The following FREM2 variants were observed in gnomAD, a reference collection of about 807,000 sequenced individuals.
The protein encoded by FREM2 is FRAS1 related extracellular matrix 2, also known as FRAS1-related extracellular matrix protein 2.
A neutral mutation model predicts 219.9 loss-of-function variants in FREM2; 119 were observed. The observed-to-expected ratio is 0.54, with a 90% CI of 0.47 to 0.63. The LOEUF is 0.63. Ranked by LOEUF, FREM2 falls within the 30% of genes least tolerant of loss-of-function variation. The pLI is 0.00. For synonymous variants in FREM2, 1,562 were observed against 1,522.8 expected (o/e 1.03, Z -0.60); for missense variants, 4,030 against 3,993.6 (o/e 1.01, Z -0.25).
chr13:38,717,776 C>T (rs946131331), intron 2 of FREM2, among the ~76,000 whole-genome samples: 3 of 152,110 alleles, frequency 2.0e-5, no homozygotes, highest in Non-Finnish European at 2.9e-5. Context: ...GTTATTAATT[C>T]TAAGTTCCCA....
At chr13:38,740,131 AATC>A in intron 2 of FREM2, among the ~76,000 whole-genome samples, 1 of 152,324 alleles carries the variant, frequency 6.6e-6, no homozygotes, top group South Asian at 2.1e-4. Flanking sequence ...TTGAGTTATG[AATC>A]ATCATAATCT....
At chr13:38,720,690 C>G (rs943395491) in intron 2 of FREM2, among the ~76,000 whole-genome samples, 1 of 103,984 alleles carries the variant, frequency 9.6e-6, no homozygotes, top group African/African-American at 2.6e-5. Context: ...ATTGAAGATG[C>G]TGAGAAGGGT....
Position 38,689,903 on chromosome 13 carries a change from C to A in FREM2, c.2559C>A (p.His853Gln). Residue 853 changes from histidine to glutamine, a missense_variant, in exon 1 of 24, where the codon CAC becomes CAA. Coordinates refer to ENST00000280481, the MANE Select transcript of FREM2 (RefSeq NM_207361.6). ...GHHILSETELHVNDVDTDVAH... is the reference protein window; with the variant it reads ...GHHILSETELQVNDVDTDVAH... ...ACATCCTGAGTGAGACAGAGTTGCA[C>A]GTGAATGATGTAGACACTGATGTTG... 6.2e-7 allele frequency: 1 copy of A among 1,614,110 alleles called. No individual in the cohort carries two copies. The highest frequency in any genetic ancestry group is 8.5e-7 in the Non-Finnish European group (1 of 1,180,018).
chr13:38,732,997 T>C (rs564781999), intron 2 of FREM2, among the ~76,000 whole-genome samples: 3 of 152,302 alleles, frequency 2.0e-5, no homozygotes, highest in African/African-American at 7.2e-5. Flanking sequence ...ATCTTTGACA[T>C]GGATAATGTG....
At chr13:38,745,872 A>T (rs1046966843) in intron 2 of FREM2, among the ~76,000 whole-genome samples, 2 of 151,976 alleles carry the variant, frequency 1.3e-5, no homozygotes, top group Admixed American at 6.6e-5. Context: ...TGACTTTCTC[A>T]TCTCTCCTTC....
chr13:38,718,020 A>G lies in FREM2; in HGVS notation c.5263+20233A>G, dbSNP rs558820901. On this transcript the variant is annotated intron_variant, in intron 2 of 23. Transcript: ENST00000280481. Reference sequence around the variant, plus strand: ...AAACTAAAAATAACCAACCAGAAAGAATCACAATTAGCAATTAGCAATTAA... The same window carrying G: ...AAACTAAAAATAACCAACCAGAAAGGATCACAATTAGCAATTAGCAATTAA... Among the ~76,000 whole-genome samples the G allele has an allele frequency of 2.4e-4, 36 of 152,356 alleles. 1 individual carries two copies. The highest frequency in any genetic ancestry group is 4.4e-5 in the Non-Finnish European group (3 of 68,040).
chr13:38,864,837 A>T (rs1490651321), intron 16 of FREM2, among the ~76,000 whole-genome samples: 1 of 152,154 alleles, frequency 6.6e-6, no homozygotes, highest in African/African-American at 2.4e-5. Flanking sequence ...CATTATATCT[A>T]TGTGAAAAGG....
chr13:38,773,590 T>G (rs1467443011), intron 4 of FREM2, among the ~76,000 whole-genome samples: 1 of 152,118 alleles, frequency 6.6e-6, no homozygotes, highest in Non-Finnish European at 1.5e-5. Context: ...TTGTTTGTTT[T>G]TTTGATTGGT....
At position 38,687,151 on chromosome 13, in the gene FREM2, C is replaced by T; in HGVS notation, c.-194C>T. 1.4e-6 allele frequency: 1 copy of T among 709,890 alleles called. No homozygotes were observed. The highest frequency in any genetic ancestry group is 2.3e-6 in the Non-Finnish European group (1 of 430,442). 44.0% of individuals were successfully genotyped at this position (709,890 alleles called of 1,614,324 possible). ...GCTGGACGGCCTGGGAAGGCTTCGG[C>T]TCCTCGGCTGCGGCTCCAGCCCGGA... On this transcript the variant is annotated 5_prime_UTR_variant, in exon 1 of 24. Coordinates refer to ENST00000280481, the MANE Select transcript of FREM2 (RefSeq NM_207361.6).
chr13:38,774,895 C>T (rs1193135686), intron 4 of FREM2, among the ~76,000 whole-genome samples: 13 of 152,172 alleles, frequency 8.5e-5, no homozygotes, highest in Non-Finnish European at 1.5e-5. Context: ...TGTCTGCCAA[C>T]TTCTGATAGA....
chr13:38,687,569 G>A lies in FREM2; in HGVS notation c.225G>A (p.Ala75=). 1.2e-6 allele frequency: 2 copies of A among 1,603,552 alleles called. No homozygotes were observed. Among genetic ancestry groups the A allele is most frequent in the East Asian group, 2.2e-5 (1 of 44,650 alleles). Residue 75 remains alanine (A), a synonymous_variant, in exon 1 of 24, where the codon GCG becomes GCA. Coordinates refer to ENST00000280481, the MANE Select transcript of FREM2 (RefSeq NM_207361.6). ...GVPAEEAIVL[A]NRGLRVPFGR... is the part of the protein sequence containing the mutation. ...CTGCTGAGGAGGCCATAGTGCTGGC[G>A]AACCGCGGACTCCGGGTGCCTTTCG...
chr13:38,783,259 A>T (rs1212899978), intron 5 of FREM2, 64 bp downstream of exon 5: 1 of 1,547,322 alleles, frequency 6.5e-7, no homozygotes, highest in Non-Finnish European at 8.9e-7. Flanking sequence ...TTTTTAACAT[A>T]TTGGAGCCAT....
chr13:38,822,350 T>TC (rs201270342), intron 6 of FREM2, among the ~76,000 whole-genome samples: 20 of 141,532 alleles, frequency 1.4e-4, no homozygotes, highest in African/African-American at 5.4e-4. Flanking sequence ...TTTCTTTCTT[T>TC]TTTTTTTTTT....
intron 4 of FREM2, among the ~76,000 whole-genome samples, chr13:38,771,992 A>T (rs1873682558): frequency 6.6e-6 from 1 of 151,676 alleles, no homozygotes; most frequent in Admixed American, 6.6e-5. Context: ...GAAATTGAGT[A>T]TTTTTTTTCC....
At chr13:38,825,458 ATT>A (rs1876244838) in intron 6 of FREM2, among the ~76,000 whole-genome samples, 1 of 152,096 alleles carries the variant, frequency 6.6e-6, no homozygotes, top group Non-Finnish European at 1.5e-5. Flanking sequence ...CATGTAGTAT[ATT>A]CACAGAATAT....
Position 38,880,463 on chromosome 13 carries a change from A to C in FREM2, c.9186A>C (p.Ala3062=), listed in dbSNP as rs752384878. The C allele has an allele frequency of 2.5e-6, 4 of 1,614,086 alleles. No homozygotes were observed. In the East Asian group the frequency reaches 6.7e-5, roughly 27 times the overall value. The part of the protein sequence containing the change: ...KREIRSTPSL[A]WEIGAENSRG... ...AGATCAGGAGCACACCCTCACTGGC[A>C]TGGGAGATTGGTGCTGAAAACAGTC... Residue 3062 remains alanine, a synonymous_variant, in exon 24 of 24, where the codon GCA becomes GCC. Transcript: ENST00000280481.
intron 2 of FREM2, among the ~76,000 whole-genome samples, chr13:38,724,006 A>G (rs549805248): frequency 2.0e-5 from 3 of 152,192 alleles, no homozygotes; most frequent in Non-Finnish European, 2.9e-5. Context: ...CTCTGCTACA[A>G]TGGGTTCACT....
intron 2 of FREM2, among the ~76,000 whole-genome samples, chr13:38,753,421 C>T (rs1872857611): frequency 1.3e-5 from 2 of 152,142 alleles, no homozygotes; most frequent in East Asian, 3.9e-4. Context: ...ATTCACATCC[C>T]ACCCTTTCTG....
intron 2 of FREM2, among the ~76,000 whole-genome samples, chr13:38,724,909 G>A (rs1255339322): frequency 6.6e-6 from 1 of 152,140 alleles, no homozygotes; most frequent in Admixed American, 6.5e-5. Context: ...CCAGGAACCA[G>A]GAAGTTGTAT....
Sources: gnomAD v4.1 joint callset for allele counts (sites outside exome capture counted in the v4.1 genomes callset) on GRCh38, gnomAD v4.1.1 for gene constraint, MANE v1.5 for transcripts, NCBI Gene and HGNC (gene_info 2026-07-23, HGNC 2026-07-21) for gene names.